The following DCX variants were observed in gnomAD, a reference collection of about 807,000 sequenced individuals.
DCX encodes neuronal migration protein doublecortin.
DCX carries 4 observed loss-of-function variants against 20.9 expected under a neutral mutation model. That is an observed-to-expected ratio of 0.19 (90% confidence interval 0.09 to 0.44). The LOEUF is 0.44. Among genes scored for constraint, DCX ranks in the 20% least tolerant of loss-of-function variants. The probability of loss-of-function intolerance (pLI) is 0.99; values close to 1 mark genes in which losing one functional copy is unlikely to be tolerated. For missense variants in DCX, 133 were observed against 296.9 expected (o/e 0.45, Z 4.06); for synonymous variants, 103 against 111.4 (o/e 0.92, Z 0.47).
rs185034093 is a variant in DCX at position 111,294,273 on chromosome X, G to A, written c.*7414C>T. ...TTTCTGGCTATAACTATTCTAAATA[G>A]GTGGCTAAAGTTCTTAAATATCTGT... On this transcript the variant is annotated 3_prime_UTR_variant, in exon 7 of 7. Coordinates refer to ENST00000636035, the MANE Select transcript of DCX (RefSeq NM_001195553.2). 1.8e-5 allele frequency: 2 copies of A among 110,492 alleles called. No individual in the cohort carries two copies. The highest frequency in any genetic ancestry group is 6.6e-5 in the African/African-American group (2 of 30,389). The allele number at this position is 110,492 out of a possible 1,213,427, so 9.1% of individuals were successfully genotyped here. A position where few individuals can be genotyped will look rare whatever the true frequency, so the allele number is the denominator to read the frequency against.
intron 6 of DCX, among the ~76,000 whole-genome samples, chrX:111,303,605 C>A (rs1331554681): frequency 1.8e-5 from 2 of 111,690 alleles, no homozygotes; most frequent in Non-Finnish European, 3.8e-5. Context: ...ATTCAGAAAC[C>A]CGAGGTTTAA....
At chrX:111,365,363 A>G (rs1924539110) in intron 3 of DCX, among the ~76,000 whole-genome samples, 1 of 110,386 alleles carries the variant, frequency 9.1e-6, no homozygotes, top group Admixed American at 9.7e-5. Flanking sequence ...CTTTGTGGGT[A>G]CATAGTAGGT....
rs1429434695 is a variant in DCX, at chrX:111,317,761, C to G, written c.947-5025G>C. On this transcript the variant is annotated intron_variant, in intron 5 of 6. Transcript: ENST00000636035. ...AAAGTGGGCAAAGGGCATGAACAGG[C>G]AGACACTTTTCAAAAGAAGACATTC... Among the ~76,000 whole-genome samples, 8 of 111,929 alleles carry G rather than the reference C, an allele frequency of 7.1e-5. No homozygotes were observed. The East Asian group carries it at 2.2e-3, about 31-fold the overall frequency.
chrX:111,355,983 C>A (rs1923700300), intron 3 of DCX, among the ~76,000 whole-genome samples: 1 of 111,912 alleles, frequency 8.9e-6, no homozygotes, highest in Non-Finnish European at 1.9e-5. Context: ...TGAGTCACCA[C>A]CACCTGGAAA....
chrX:111,316,098 A>T (rs1454020186), intron 5 of DCX, among the ~76,000 whole-genome samples: 48 of 105,382 alleles, frequency 4.6e-4, no homozygotes, highest in East Asian at 1.5e-3. Flanking sequence ...AAAAAAAAAA[A>T]AAAAAAAAAA....
chrX:111,305,575 G>A (rs899618921), intron 6 of DCX, among the ~76,000 whole-genome samples: 16 of 106,648 alleles, frequency 1.5e-4, no homozygotes, highest in African/African-American at 5.5e-4. Flanking sequence ...TTCTATCCCC[G>A]GCTTCTGGTA....
intron 2 of DCX, among the ~76,000 whole-genome samples, chrX:111,405,306 A>G (rs1224425547): frequency 8.9e-6 from 1 of 112,495 alleles, no homozygotes; most frequent in East Asian, 2.8e-4. Flanking sequence ...AAAATATTAA[A>G]TGACATTTGA....
intron 3 of DCX, among the ~76,000 whole-genome samples, chrX:111,397,604 T>C (rs1927420841): frequency 8.9e-6 from 1 of 111,954 alleles, no homozygotes; most frequent in Non-Finnish European, 1.9e-5. Flanking sequence ...TTTGTCCATG[T>C]ACCCCCAAAT....
At chrX:111,348,807 G>A (rs1402490893) in intron 3 of DCX, among the ~76,000 whole-genome samples, 1 of 108,181 alleles carries the variant, frequency 9.2e-6, no homozygotes, top group African/African-American at 3.4e-5. Context: ...GTGTCTGCTA[G>A]ACACAAAGCA....
At chrX:111,393,299 T>C (rs1927087670) in intron 3 of DCX, among the ~76,000 whole-genome samples, 1 of 111,497 alleles carries the variant, frequency 9.0e-6, no homozygotes, top group Non-Finnish European at 1.9e-5. Context: ...AAAAGAACCT[T>C]GACTCTTATC....
intron 3 of DCX, among the ~76,000 whole-genome samples, chrX:111,357,903 C>G (rs1412292161): frequency 8.9e-6 from 1 of 111,794 alleles, no homozygotes; most frequent in African/African-American, 3.2e-5. Flanking sequence ...TCTTGGCTCA[C>G]TGCAACTTCT....
intron 3 of DCX, among the ~76,000 whole-genome samples, chrX:111,391,229 C>T (rs147413142): frequency 0.013 from 1,399 of 110,287 alleles, 28 homozygotes; most frequent in African/African-American, 0.044. Context: ...GGTTTGCAAG[C>T]GTTTGGCACT....
intron 6 of DCX, among the ~76,000 whole-genome samples, chrX:111,307,785 A>T (rs1047140159): frequency 8.9e-6 from 1 of 112,096 alleles, no homozygotes; most frequent in Non-Finnish European, 1.9e-5. Context: ...ACACTGAACC[A>T]CTGGGCTTTA....
chrX:111,380,196 T>C (rs1264420241), intron 3 of DCX, among the ~76,000 whole-genome samples: 2 of 111,942 alleles, frequency 1.8e-5, no homozygotes, highest in East Asian at 5.6e-4. Context: ...TGAAGTCCAA[T>C]TTGTCTATTT....
At chrX:111,350,096 G>A (rs1923184080) in intron 3 of DCX, among the ~76,000 whole-genome samples, 1 of 111,612 alleles carries the variant, frequency 9.0e-6, no homozygotes, top group Non-Finnish European at 1.9e-5. Context: ...CTCAGGCAGG[G>A]TGCCTGGAAA....
chrX:111,372,796 C>T (rs2147712844), intron 3 of DCX, among the ~76,000 whole-genome samples: 1 of 111,778 alleles, frequency 8.9e-6, no homozygotes, highest in South Asian at 3.7e-4. Context: ...AAATCAATTT[C>T]AAAGTTTTGG....
intron 3 of DCX, among the ~76,000 whole-genome samples, chrX:111,376,032 C>T (rs1401988863): frequency 8.9e-6 from 1 of 112,284 alleles, no homozygotes; most frequent in African/African-American, 3.2e-5. Flanking sequence ...ATTCTGCTTT[C>T]CTCCCTTTAG....
At chrX:111,401,363 T>A (rs1332831289) in intron 2 of DCX, 33 bp from the exon 3 acceptor site, 1 of 1,110,753 alleles carries the variant, frequency 9.0e-7, no homozygotes, top group South Asian at 1.8e-5. Flanking sequence ...AGGTGATTAG[T>A]TTAATAGCAG....
chrX:111,347,952 A>G (rs1447585607), intron 3 of DCX, among the ~76,000 whole-genome samples: 2 of 112,026 alleles, frequency 1.8e-5, no homozygotes, highest in Non-Finnish European at 3.8e-5. Context: ...TTCAACCTTT[A>G]AAATAGTTTA....
Sources: gnomAD v4.1 joint callset for allele counts (sites outside exome capture counted in the v4.1 genomes callset) on GRCh38, gnomAD v4.1.1 for gene constraint, MANE v1.5 for transcripts, NCBI Gene and HGNC (gene_info 2026-07-23, HGNC 2026-07-21) for gene names.